COL15A1: variants seen among roughly 807,000 people sequenced by gnomAD.
The protein encoded by COL15A1 is collagen alpha-1(XV) chain.
COL15A1 carries 111 observed loss-of-function variants against 165.9 expected under a neutral mutation model. That is an observed-to-expected ratio of 0.67 (90% CI 0.57 to 0.78). The LOEUF (loss-of-function observed/expected upper bound fraction) is 0.78, where lower values mean the gene tolerates loss of function less well. Among genes scored for constraint, COL15A1 ranks in the 30% least tolerant of loss-of-function variants. The pLI, the probability that COL15A1 is intolerant of heterozygous loss-of-function variation, is 0.00. For missense variants in COL15A1, 1,745 were observed against 1,789.7 expected (o/e 0.98, Z 0.45); for synonymous variants, 659 against 674.8 (o/e 0.98, Z 0.36).
At chr9:98,965,837 G>T (rs80104322) in intron 2 of COL15A1, among the ~76,000 whole-genome samples, 1 of 151,488 alleles carries the variant, frequency 6.6e-6, no homozygotes, top group African/African-American at 2.4e-5. Context: ...TCTGGGCCCC[G>T]TGTTGGTGTC....
intron 2 of COL15A1, among the ~76,000 whole-genome samples, chr9:98,981,858 G>C (rs1279290710): frequency 6.6e-6 from 1 of 152,148 alleles, no homozygotes; most frequent in African/African-American, 2.4e-5. Context: ...AGGCTGGAGT[G>C]CAGTGGGGTG....
chr9:98,964,595 A>C (rs185467872), intron 2 of COL15A1, among the ~76,000 whole-genome samples: 5 of 152,304 alleles, frequency 3.3e-5, no homozygotes, highest in African/African-American at 9.6e-5. Flanking sequence ...ACGTCATTGC[A>C]TGTGAACCAC....
chr9:99,003,664 G>A (rs1478992799), intron 8 of COL15A1, 77 bp downstream of exon 8: 3 of 1,398,290 alleles, frequency 2.1e-6, no homozygotes, highest in African/African-American at 2.9e-5. Flanking sequence ...GCAGTCACTG[G>A]CTTTCCCTAT....
intron 13 of COL15A1, 60 bp downstream of exon 13, chr9:99,022,210 A>C (rs1588519346): frequency 2.2e-4 from 354 of 1,608,794 alleles, no homozygotes; most frequent in Middle Eastern, 1.7e-4. Flanking sequence ...TGCGGCCAAA[A>C]CAGCCACAGG....
rs372084347 is a variant in COL15A1, at chr9:99,016,165, G to A, written c.1647+46G>A. 6.1e-5 allele frequency: 94 copies of A among 1,535,960 alleles called. No homozygotes were observed. In the Middle Eastern group the frequency reaches 2.0e-3, roughly 32 times the overall value. On this transcript the variant is annotated intron_variant, in intron 11 of 41. Coordinates refer to ENST00000375001, the MANE Select transcript of COL15A1 (RefSeq NM_001855.5). The stretch of plus-strand genomic sequence containing the variant: ...AGATTTGACTTGGCAGACCTTACAG[G>A]GGAGAGAAAGAAAGGCCAGAGTTGT...
At position 99,063,643 on chromosome 9, in the gene COL15A1, T is replaced by C. The variant is rs560644013; in HGVS notation, c.3651+534T>C. On this transcript the variant is annotated intron_variant, in intron 39 of 41. Transcript: ENST00000375001. The stretch of plus-strand genomic sequence containing the variant: ...CAGGAAACAGGTATGACAACACTAG[T>C]GTTTCAGAAATTACCTTGGCTACAG... 5.3e-5 allele frequency among the ~76,000 whole-genome samples: 8 copies of C among 152,320 alleles called. No individual in the cohort carries two copies. In the East Asian group the frequency reaches 1.5e-3, roughly 29 times the overall value.
chr9:98,950,392 G>A (rs1837659989), intron 2 of COL15A1, among the ~76,000 whole-genome samples: 1 of 152,064 alleles, frequency 6.6e-6, no homozygotes, highest in South Asian at 2.1e-4. Context: ...ATATAAAATG[G>A]CATCTCATTG....
intron 2 of COL15A1, among the ~76,000 whole-genome samples, chr9:98,981,571 C>T (rs946693518): frequency 1.3e-5 from 2 of 152,212 alleles, no homozygotes; most frequent in Non-Finnish European, 2.9e-5. Context: ...ATGTGTGCAT[C>T]ATGCCACCAT....
intron 13 of COL15A1, among the ~76,000 whole-genome samples, chr9:99,022,822 G>C (rs551183032): frequency 1.3e-5 from 2 of 152,346 alleles, no homozygotes; most frequent in South Asian, 4.1e-4. Flanking sequence ...TTGTTCTTCA[G>C]ATACATTTGA....
At position 99,028,858 on chromosome 9, in the gene COL15A1, AT is replaced by A. The variant is rs138879343; in HGVS notation, c.2043+2898del. The stretch of plus-strand genomic sequence containing the variant: ...GTATTGAAATTATACAAATTAAAAT[AT>A]TTTTTAAATGATACCTCAAAAAGAA... On this transcript the variant is annotated intron_variant, in intron 16 of 41. Coordinates refer to ENST00000375001, the MANE Select transcript of COL15A1 (RefSeq NM_001855.5). 8.6e-3 allele frequency among the ~76,000 whole-genome samples: 1,303 copies of A among 152,332 alleles called. 22 individuals carry two copies. Among genetic ancestry groups the A allele is most frequent in the African/African-American group, 0.026 (1,093 of 41,568 alleles).
At position 99,035,054 on chromosome 9, in the gene COL15A1, A is replaced by G. The variant is rs1839274590; in HGVS notation, c.2120A>G (p.Lys707Arg). ...GNRGLPGPPG[K>R]KGQAGPPGVM... ...AGAGGCTTACCTGGACCCCCGGGGA[A>G]AAAGGGACAAGCTGGCCCTCCTGGG... The change falls in exon 18 of 42, where the codon AAA becomes AGA. Residue 707 changes from lysine (K) to arginine (R), a missense_variant. Coordinates refer to ENST00000375001, the MANE Select transcript of COL15A1 (RefSeq NM_001855.5). The G allele has an allele frequency of 6.2e-7, 1 of 1,612,418 alleles. No homozygotes were observed. Among genetic ancestry groups the G allele is most frequent in the Non-Finnish European group, 8.5e-7 (1 of 1,178,674 alleles).
intron 2 of COL15A1, among the ~76,000 whole-genome samples, chr9:98,967,219 T>G (rs1048530958): frequency 6.6e-6 from 1 of 152,130 alleles, no homozygotes; most frequent in Non-Finnish European, 1.5e-5. Flanking sequence ...AAACTGGCCC[T>G]GGGGTGGAAT....
chr9:99,035,221 G>A (rs970763489), intron 18 of COL15A1, 67 bp downstream of exon 18: 6 of 1,570,910 alleles, frequency 3.8e-6, no homozygotes, highest in Admixed American at 1.7e-5. Context: ...AGACCAGCTA[G>A]CTAAACCCTG....
intron 40 of COL15A1, among the ~76,000 whole-genome samples, chr9:99,067,573 C>G (rs912934818): frequency 4.6e-5 from 7 of 152,282 alleles, no homozygotes; most frequent in Admixed American, 4.6e-4. Context: ...AAATAGCAGA[C>G]TCTTTCAAGG....
chr9:99,007,868 C>T (rs1006224097), intron 9 of COL15A1, among the ~76,000 whole-genome samples: 3 of 151,964 alleles, frequency 2.0e-5, no homozygotes, highest in African/African-American at 7.3e-5. Flanking sequence ...GACTTGTAGC[C>T]AGTACAAATT....
Position 99,040,507 on chromosome 9 carries a change from T to C in COL15A1, c.2476-14T>C. On this transcript the variant is annotated splice_polypyrimidine_tract_variant and intron_variant, in intron 22 of 41. Coordinates refer to ENST00000375001, the MANE Select transcript of COL15A1 (RefSeq NM_001855.5). ...GCTCCTAATCCAGCGTGCTCTATCT[T>C]TGGTGTGTCACAGGGGCCGGACGGG... is the stretch of plus-strand genomic sequence containing the variant. The C allele has an allele frequency of 6.2e-7, 1 of 1,614,116 alleles. No homozygotes were observed. The highest frequency in any genetic ancestry group is 8.5e-7 in the Non-Finnish European group (1 of 1,180,008).
At chr9:99,030,106 T>G (rs895320431) in intron 16 of COL15A1, among the ~76,000 whole-genome samples, 1 of 152,220 alleles carries the variant, frequency 6.6e-6, no homozygotes, top group Non-Finnish European at 1.5e-5. Flanking sequence ...GAGGTTCCTG[T>G]GTGCTGAAAT....
At chr9:99,044,500 T>C in intron 24 of COL15A1, 68 bp from the exon 25 acceptor site, 1 of 1,463,222 alleles carries the variant, frequency 6.8e-7, no homozygotes, top group East Asian at 2.3e-5. Context: ...GGAGTCTCTG[T>C]ACAAAACTCT....
intron 14 of COL15A1, 84 bp from the exon 15 acceptor site, chr9:99,024,790 A>T: frequency 6.7e-7 from 1 of 1,483,140 alleles, no homozygotes; most frequent in South Asian, 1.3e-5. Context: ...TTGTTGAAAG[A>T]ATTTGAGAGA....
Sources: gnomAD v4.1 joint callset for allele counts (sites outside exome capture counted in the v4.1 genomes callset) on GRCh38, gnomAD v4.1.1 for gene constraint, MANE v1.5 for transcripts, NCBI Gene and HGNC (gene_info 2026-07-23, HGNC 2026-07-21) for gene names.